Variants in IL6R observed in about 807,000 individuals in gnomAD.
IL6R encodes interleukin-6 receptor subunit alpha.
A neutral mutation model predicts 48.3 loss-of-function variants in IL6R; 38 were observed. The observed-to-expected ratio is 0.79, with a 90% CI of 0.61 to 1.03. The LOEUF (loss-of-function observed/expected upper bound fraction) is 1.03. Ranked by LOEUF, IL6R falls within the 50% of genes least tolerant of loss-of-function variation. The probability of loss-of-function intolerance (pLI) is 0.00; values close to 1 mark genes in which losing one functional copy is unlikely to be tolerated. For synonymous variants in IL6R, 264 were observed against 256.2 expected (o/e 1.03, Z -0.29); for missense variants, 534 against 618.3 (o/e 0.86, Z 1.45).
chr1:154,443,993 T>C (rs1690071871), intron 6 of IL6R, among the ~76,000 whole-genome samples: 1 of 152,070 alleles, frequency 6.6e-6, no homozygotes, highest in South Asian at 2.1e-4. Context: ...GTCTCTGCCT[T>C]GGTTTGGGTT....
chr1:154,420,087 G>C (rs1688568530), intron 1 of IL6R, among the ~76,000 whole-genome samples: 1 of 152,076 alleles, frequency 6.6e-6, no homozygotes, highest in African/African-American at 2.4e-5. Context: ...GGGAGGCAAG[G>C]GAGGTTGTGG....
chr1:154,446,088 C>A (rs190944978), intron 6 of IL6R, among the ~76,000 whole-genome samples: 1 of 152,206 alleles, frequency 6.6e-6, no homozygotes, highest in Admixed American at 6.5e-5. Flanking sequence ...CTGATTTTAG[C>A]TTTCATTCTA....
At chr1:154,445,959 C>A (rs1397427823) in intron 6 of IL6R, among the ~76,000 whole-genome samples, 2 of 151,938 alleles carry the variant, frequency 1.3e-5, no homozygotes. Flanking sequence ...GAGATGAGGT[C>A]TCACTATGTT....
At chr1:154,453,205 CA>C (rs1214918809) in intron 8 of IL6R, among the ~76,000 whole-genome samples, 12 of 149,872 alleles carry the variant, frequency 8.0e-5, no homozygotes, top group Non-Finnish European at 1.5e-4. Context: ...GACTCCATTT[CA>C]AAAAAAAAGA....
rs58112131 is a variant in IL6R at position 154,461,674 on chromosome 1, A to G, written c.1161-3460A>G. 2.1e-3 allele frequency among the ~76,000 whole-genome samples: 316 copies of G among 152,346 alleles called. 4 individuals carry two copies. The highest frequency in any genetic ancestry group is 6.8e-3 in the African/African-American group (283 of 41,568). The stretch of plus-strand genomic sequence containing the variant: ...TCTGTATCTAATTTGTATTATGACT[A>G]TTCTTATTCTATTTTCTTTATTATA... On this transcript the variant is annotated intron_variant, in intron 9 of 9. Coordinates refer to ENST00000368485, the MANE Select transcript of IL6R (RefSeq NM_000565.4).
intron 6 of IL6R, chr1:154,437,431 GA>G: frequency 3.7e-6 from 1 of 267,874 alleles, no homozygotes. Flanking sequence ...TTTTTTTTTT[GA>G]AGACAGGCTT....
intron 1 of IL6R, among the ~76,000 whole-genome samples, chr1:154,415,542 A>G (rs577284757): frequency 6.6e-6 from 1 of 152,376 alleles, no homozygotes; most frequent in South Asian, 2.1e-4. Context: ...CTAATTAGCT[A>G]TATAACCTCA....
intron 6 of IL6R, among the ~76,000 whole-genome samples, chr1:154,436,582 G>A (rs1689642854): frequency 6.6e-6 from 1 of 152,212 alleles, no homozygotes; most frequent in South Asian, 2.1e-4. Flanking sequence ...CCTGAATCAG[G>A]AATGCAGCTG....
chr1:154,411,549 C>T (rs1688019640), intron 1 of IL6R, among the ~76,000 whole-genome samples: 1 of 152,116 alleles, frequency 6.6e-6, no homozygotes, highest in African/African-American at 2.4e-5. Flanking sequence ...GTTTTGCAAT[C>T]CACATCACTA....
chr1:154,449,846 G>A, intron 7 of IL6R, 65 bp from the exon 8 acceptor site: 11 of 1,041,320 alleles, frequency 1.1e-5, no homozygotes, highest in Non-Finnish European at 1.4e-5. Flanking sequence ...GGTAACTCCT[G>A]AACTGGTTCT....
At position 154,418,488 on chromosome 1, in the gene IL6R, G is replaced by C. The variant is rs376939622; in HGVS notation, c.86-10708G>C. ...GTACAAGAAGTACAAATACATATGTGGGGGAGGAGGGAGCAGGGGCCTGCC... is the reference window on the plus strand; with the variant it reads ...GTACAAGAAGTACAAATACATATGTCGGGGAGGAGGGAGCAGGGGCCTGCC... On this transcript the variant is annotated intron_variant, in intron 1 of 9. Transcript: ENST00000368485. 1.2e-4 allele frequency: 97 copies of C among 830,378 alleles called. No individual in the cohort carries two copies. In the South Asian group the frequency reaches 1.9e-3, roughly 16 times the overall value. The allele number at this position is 830,378 out of a possible 1,614,324, so 51.4% of individuals were successfully genotyped here. A position where few individuals can be genotyped will look rare whatever the true frequency, so the allele number is the denominator to read the frequency against.
At chr1:154,418,862 GC>G (rs1200074318) in intron 1 of IL6R, among the ~76,000 whole-genome samples, 4 of 152,228 alleles carry the variant, frequency 2.6e-5, no homozygotes, top group African/African-American at 9.6e-5. Flanking sequence ...CATTAGGTTG[GC>G]AGCTGCAGTG....
intron 1 of IL6R, among the ~76,000 whole-genome samples, chr1:154,412,989 T>C (rs2149208370): frequency 6.6e-6 from 1 of 151,954 alleles, no homozygotes; most frequent in East Asian, 1.9e-4. Context: ...GTACTGAGTT[T>C]ATTTATCTGG....
Position 154,468,796 on chromosome 1 carries a change from T to C in IL6R, c.*3416T>C, listed in dbSNP as rs565765659. 1 of 152,456 alleles carries C rather than the reference T, an allele frequency of 6.6e-6. No homozygotes were observed. Among genetic ancestry groups the C allele is most frequent in the African/African-American group, 2.4e-5 (1 of 41,590 alleles). The allele number at this position is 152,456 out of a possible 1,614,324, so 9.4% of individuals were successfully genotyped here. On this transcript the variant is annotated 3_prime_UTR_variant, in exon 10 of 10. Coordinates refer to ENST00000368485, the MANE Select transcript of IL6R (RefSeq NM_000565.4). ...TTCAGGAATGTCTTCCCAGCTGCTT[T>C]GGTGCTGAGCTCTATTATCTCACAG...
chr1:154,428,463 G>A (rs1209238297), intron 1 of IL6R, among the ~76,000 whole-genome samples: 1 of 152,210 alleles, frequency 6.6e-6, no homozygotes, highest in African/African-American at 2.4e-5. Context: ...AATACCCTGC[G>A]ATTTGGAAAC....
intron 6 of IL6R, among the ~76,000 whole-genome samples, chr1:154,440,655 C>CTTTTTTTTTT (rs35390021): frequency 7.4e-6 from 1 of 134,976 alleles, no homozygotes; most frequent in African/African-American, 2.7e-5. Flanking sequence ...TGATTAATGT[C>CTTTTTTTTTT]TTTTTTTTTT....
intron 1 of IL6R, among the ~76,000 whole-genome samples, chr1:154,408,736 C>T (rs1403509280): frequency 6.6e-6 from 1 of 152,140 alleles, no homozygotes; most frequent in Middle Eastern, 3.2e-3. Context: ...AATCCTGGTC[C>T]CACCAGGCCT....
At chr1:154,458,786 A>C (rs1196592413) in intron 9 of IL6R, among the ~76,000 whole-genome samples, 1 of 152,006 alleles carries the variant, frequency 6.6e-6, no homozygotes, top group Non-Finnish European at 1.5e-5. Context: ...CTGTAATCCC[A>C]GCTACTTGGG....
chr1:154,453,261 C>A (rs1022776446), intron 8 of IL6R, among the ~76,000 whole-genome samples: 1 of 152,150 alleles, frequency 6.6e-6, no homozygotes, highest in Admixed American at 6.6e-5. Flanking sequence ...AATGAGCAAG[C>A]CAAGCATACT....
Sources: allele counts gnomAD v4.1 joint callset (sites outside exome capture counted in the v4.1 genomes callset), GRCh38; gene constraint gnomAD v4.1.1; transcripts MANE v1.5; gene names NCBI Gene and HGNC (gene_info 2026-07-23, HGNC 2026-07-21).